Variants in PLA2R1 observed in about 807,000 individuals in gnomAD.
PLA2R1 encodes the protein secretory phospholipase A2 receptor.
In PLA2R1, 158 loss-of-function variants were observed where a neutral mutation model predicts 195.9. The observed-to-expected ratio is 0.81, with a 90% CI of 0.71 to 0.92. The LOEUF (loss-of-function observed/expected upper bound fraction) is 0.92. Among genes scored for constraint, PLA2R1 ranks in the 40% least tolerant of loss-of-function variants. The pLI is 0.00. For synonymous variants in PLA2R1, 586 were observed against 598.2 expected (o/e 0.98, Z 0.30); for missense variants, 1,626 against 1,764.6 (o/e 0.92, Z 1.41).
At chr2:159,974,660 C>G (rs914834666) in intron 17 of PLA2R1, among the ~76,000 whole-genome samples, 7 of 152,038 alleles carry the variant, frequency 4.6e-5, no homozygotes, top group African/African-American at 1.7e-4. Context: ...CTTGAGTGTT[C>G]CATTCGTAAG....
chr2:159,973,691 T>C (rs1011229379), intron 17 of PLA2R1, among the ~76,000 whole-genome samples: 1 of 152,160 alleles, frequency 6.6e-6, no homozygotes, highest in Non-Finnish European at 1.5e-5. Flanking sequence ...TGTTTTTTTA[T>C]AGCAGCCTGA....
chr2:159,970,628 C>A (rs1285433821), intron 17 of PLA2R1, among the ~76,000 whole-genome samples: 4 of 152,100 alleles, frequency 2.6e-5, no homozygotes, highest in African/African-American at 9.7e-5. Context: ...ATCAAGGCAT[C>A]ATTAGTATAA....
chr2:160,021,157 A>C (rs915429837), intron 7 of PLA2R1, among the ~76,000 whole-genome samples: 1 of 152,202 alleles, frequency 6.6e-6, no homozygotes, highest in Non-Finnish European at 1.5e-5. Context: ...AAAAAAAGGA[A>C]CACTTATACA....
intron 17 of PLA2R1, among the ~76,000 whole-genome samples, chr2:159,975,458 C>T (rs1016247349): frequency 9.9e-5 from 15 of 152,102 alleles, no homozygotes; most frequent in African/African-American, 3.6e-4. Context: ...CCTTTCTCTA[C>T]TTTAAGTTGA....
chr2:159,970,753 T>G (rs1230023544), intron 17 of PLA2R1, among the ~76,000 whole-genome samples: 2 of 152,212 alleles, frequency 1.3e-5, no homozygotes, highest in Non-Finnish European at 2.9e-5. Flanking sequence ...GAGTGCCCAG[T>G]GTTTGACAAC....
intron 26 of PLA2R1, 65 bp downstream of exon 26, chr2:159,947,354 C>T (rs1028333053): frequency 1.5e-6 from 2 of 1,365,644 alleles, no homozygotes; most frequent in East Asian, 2.4e-5. Context: ...AAGAAATCCA[C>T]ATTGTTTACT....
At chr2:159,984,516 T>C (rs923696989) in intron 12 of PLA2R1, among the ~76,000 whole-genome samples, 1 of 152,190 alleles carries the variant, frequency 6.6e-6, no homozygotes, top group East Asian at 1.9e-4. Flanking sequence ...TCCCACCAGA[T>C]TGCCTTCTGA....
At chr2:159,979,952 C>T in intron 13 of PLA2R1, 38 bp from the exon 14 acceptor site, 5 of 1,226,356 alleles carry the variant, frequency 4.1e-6, no homozygotes, top group Non-Finnish European at 6.0e-6. Context: ...CCTTTCCCAT[C>T]AAATTTACAG....
intron 3 of PLA2R1, among the ~76,000 whole-genome samples, chr2:160,033,803 G>A (rs1694000570): frequency 6.6e-6 from 1 of 152,212 alleles, no homozygotes. Context: ...TTAAGACTGA[G>A]TTTGGGTGCT....
At chr2:160,013,719 CTCTGTGTGTGTGTGTG>C (rs1234645670) in intron 9 of PLA2R1, among the ~76,000 whole-genome samples, 1 of 111,928 alleles carries the variant, frequency 8.9e-6, no homozygotes, top group African/African-American at 3.3e-5. Flanking sequence ...CTCTCTCTCT[CTCTGTGTGTGTGTGTG>C]TGTGTGTGTG....
intron 11 of PLA2R1, among the ~76,000 whole-genome samples, chr2:159,991,537 T>A (rs528958666): frequency 6.6e-6 from 1 of 151,414 alleles, no homozygotes; most frequent in Admixed American, 6.6e-5. Flanking sequence ...TATGTATACA[T>A]GTGCCATGCT....
At chr2:160,015,838 C>T (rs944336486) in intron 9 of PLA2R1, among the ~76,000 whole-genome samples, 1 of 152,136 alleles carries the variant, frequency 6.6e-6, no homozygotes, top group Non-Finnish European at 1.5e-5. Context: ...ATACAAATAA[C>T]TGGATTAGAA....
intron 17 of PLA2R1, among the ~76,000 whole-genome samples, chr2:159,971,488 AT>A (rs1689180038): frequency 1.4e-5 from 1 of 71,868 alleles, no homozygotes; most frequent in African/African-American, 3.0e-5. Context: ...ACACACACAC[AT>A]ACACACACAC....
intron 11 of PLA2R1, among the ~76,000 whole-genome samples, chr2:159,988,014 A>G (rs1308026194): frequency 6.6e-6 from 1 of 152,216 alleles, no homozygotes; most frequent in Non-Finnish European, 1.5e-5. Context: ...AAAATGTGAT[A>G]TACTAGTTAT....
At chr2:159,958,297 C>G (rs542847907) in intron 20 of PLA2R1, among the ~76,000 whole-genome samples, 65 of 152,138 alleles carry the variant, frequency 4.3e-4, no homozygotes, top group Non-Finnish European at 8.2e-4. Context: ...CATGCTGGTT[C>G]CCTGTTATCT....
At position 159,944,949 on chromosome 2, in the gene PLA2R1, G is replaced by C. The variant is rs1004886200; in HGVS notation, c.4101C>G (p.Ser1367=). 6.2e-7 allele frequency: 1 copy of C among 1,612,682 alleles called. No individual in the cohort carries two copies. The highest frequency in any genetic ancestry group is 8.5e-7 in the Non-Finnish European group (1 of 1,179,200). The change falls in exon 28 of 30, where the codon TCC becomes TCG. Residue 1367 remains serine, a synonymous_variant. Coordinates refer to ENST00000283243, the MANE Select transcript of PLA2R1 (RefSeq NM_007366.5). ...LRIPEGLWQL[S]PCQEKKGFIC... ...TAAAGCCTTTTTTTTCTTGACACGG[G>C]GATAGCTGCCATAATCCTTCAGGGA...
chr2:159,950,728 TG>T (rs1262217413), intron 24 of PLA2R1, among the ~76,000 whole-genome samples: 1 of 152,182 alleles, frequency 6.6e-6, no homozygotes, highest in Non-Finnish European at 1.5e-5. Flanking sequence ...TGTGTATACA[TG>T]GAAAATTTCT....
chr2:159,964,172 T>C (rs1688635516), intron 20 of PLA2R1, among the ~76,000 whole-genome samples: 1 of 152,148 alleles, frequency 6.6e-6, no homozygotes, highest in Non-Finnish European at 1.5e-5. Context: ...TTCGCTAATA[T>C]GAAATATCTA....
In PLA2R1 at chr2:160,044,780, G is replaced by T. The variant is rs571266064; in HGVS notation, c.487C>A (p.His163Asn). The T allele has an allele frequency of 6.2e-7, 1 of 1,609,088 alleles. No homozygotes were observed. The highest frequency in any genetic ancestry group is 8.5e-7 in the Non-Finnish European group (1 of 1,175,844). The change falls in exon 2 of 30, where the codon CAC (histidine) becomes AAC (asparagine). Residue 163 changes from histidine to asparagine, a missense_variant. His to Asn is a moderately conservative substitution (Grantham distance 68, BLOSUM62 1). Coordinates refer to ENST00000283243, the MANE Select transcript of PLA2R1 (RefSeq NM_007366.5). ...TTCTTTAAATTATTTTTACCTTTGT[G>T]TAGATATTCACAAATGTCTCCACCA... ...SGGGDICEYL[H>N]KDLHTIKGNT...
Sources: allele counts gnomAD v4.1 joint callset (sites outside exome capture counted in the v4.1 genomes callset), GRCh38; gene constraint gnomAD v4.1.1; transcripts MANE v1.5; gene names NCBI Gene and HGNC (gene_info 2026-07-23, HGNC 2026-07-21).